Variants in HIP1 observed in about 807,000 individuals in gnomAD.
HIP1 encodes huntingtin-interacting protein 1.
Under a neutral mutation model 147.6 loss-of-function variants are expected in HIP1, and 65 were observed. The observed-to-expected ratio is 0.44, with a 90% CI of 0.36 to 0.54. The LOEUF is 0.54. Ranked by LOEUF, HIP1 falls within the 20% of genes least tolerant of loss-of-function variation. HIP1 has a pLI of 0.00. For missense variants in HIP1, 1,061 were observed against 1,299.6 expected (o/e 0.82, Z 2.82); for synonymous variants, 479 against 504.0 (o/e 0.95, Z 0.67).
chr7:75,695,922 C>T (rs549338592), intron 1 of HIP1, among the ~76,000 whole-genome samples: 2 of 151,792 alleles, frequency 1.3e-5, no homozygotes, highest in East Asian at 3.9e-4. Context: ...GTTCTGCCCC[C>T]GTGCCTCCAG....
chr7:75,645,408 G>T lies in HIP1; in HGVS notation c.121-46161C>A, dbSNP rs561763219. Among the ~76,000 whole-genome samples, 4 of 152,090 alleles carry T rather than the reference G, an allele frequency of 2.6e-5. No individual in the cohort carries two copies. The East Asian group carries it at 7.7e-4, about 29-fold the overall frequency. ...CACCCAGCTAATTTGTGTATTTTTAGTAGAGACGGGGTTTCACCATGTGGG... is the reference window on the plus strand; with the variant it reads ...CACCCAGCTAATTTGTGTATTTTTATTAGAGACGGGGTTTCACCATGTGGG... On this transcript the variant is annotated intron_variant, in intron 1 of 30. Coordinates refer to ENST00000336926, the MANE Select transcript of HIP1 (RefSeq NM_005338.7).
intron 1 of HIP1, among the ~76,000 whole-genome samples, chr7:75,624,525 G>C (rs78659242): frequency 0.059 from 8,999 of 152,160 alleles, 302 homozygotes; most frequent in Middle Eastern, 0.092. Flanking sequence ...AAGCCCCACC[G>C]AAGCCTCCAG....
intron 1 of HIP1, among the ~76,000 whole-genome samples, chr7:75,675,989 C>T (rs1460500888): frequency 1.3e-5 from 2 of 152,140 alleles, no homozygotes; most frequent in African/African-American, 2.4e-5. Context: ...CCCTAAGGAT[C>T]ATATTTTTTG....
At chr7:75,667,919 A>T (rs1481452710) in intron 1 of HIP1, among the ~76,000 whole-genome samples, 1 of 152,250 alleles carries the variant, frequency 6.6e-6, no homozygotes, top group African/African-American at 2.4e-5. Flanking sequence ...ATTTTATAAA[A>T]CAGACATCTG....
chr7:75,678,705 C>T (rs1022484195), intron 1 of HIP1, among the ~76,000 whole-genome samples: 2 of 152,022 alleles, frequency 1.3e-5, no homozygotes, highest in Admixed American at 6.6e-5. Flanking sequence ...TGCACGTTGC[C>T]GATTATCTGC....
chr7:75,726,876 C>T (rs935469336), intron 1 of HIP1, among the ~76,000 whole-genome samples: 6 of 151,800 alleles, frequency 4.0e-5, no homozygotes, highest in African/African-American at 1.5e-4. Flanking sequence ...GGGGTTTCAC[C>T]ATGTTGGCCA....
intron 1 of HIP1, among the ~76,000 whole-genome samples, chr7:75,687,443 T>G (rs1554517685): frequency 1.3e-5 from 2 of 152,130 alleles, no homozygotes; most frequent in African/African-American, 4.8e-5. Context: ...TGTAATCTCA[T>G]CACTTTGGGA....
At chr7:75,631,966 A>C (rs1168860352) in intron 1 of HIP1, among the ~76,000 whole-genome samples, 1 of 152,058 alleles carries the variant, frequency 6.6e-6, no homozygotes, top group Non-Finnish European at 1.5e-5. Context: ...GCAGAAAAGC[A>C]CTGTGGGAGG....
chr7:75,600,420 C>A (rs1372329514), intron 1 of HIP1, among the ~76,000 whole-genome samples: 1 of 152,086 alleles, frequency 6.6e-6, no homozygotes, highest in African/African-American at 2.4e-5. Context: ...CAAATCATAA[C>A]TCTTTTTAAT....
intron 7 of HIP1, among the ~76,000 whole-genome samples, chr7:75,580,820 C>T (rs1457612198): frequency 6.6e-6 from 1 of 152,078 alleles, no homozygotes; most frequent in African/African-American, 2.4e-5. Context: ...TGGCTCACTG[C>T]AACCTCGACC....
At chr7:75,664,244 T>C (rs542416597) in intron 1 of HIP1, among the ~76,000 whole-genome samples, 9 of 137,624 alleles carry the variant, frequency 6.5e-5, no homozygotes, top group South Asian at 2.3e-4. Context: ...TACATACACA[T>C]ACTATATACA....
At chr7:75,606,575 C>CA (rs797037259) in intron 1 of HIP1, among the ~76,000 whole-genome samples, 5,011 of 131,204 alleles carry the variant, frequency 0.038, 295 homozygotes, top group African/African-American at 0.13. Flanking sequence ...GACTCCGTCT[C>CA]AAAAAAAAAA....
intron 1 of HIP1, among the ~76,000 whole-genome samples, chr7:75,617,359 G>T (rs1310762733): frequency 6.6e-6 from 1 of 151,986 alleles, no homozygotes; most frequent in Non-Finnish European, 1.5e-5. Context: ...GATTACAAGC[G>T]TGAGCCACCG....
chr7:75,541,373 AC>A (rs1241242715), intron 29 of HIP1, among the ~76,000 whole-genome samples: 1 of 152,076 alleles, frequency 6.6e-6, no homozygotes, highest in Non-Finnish European at 1.5e-5. Flanking sequence ...TACTAAAAAT[AC>A]AAAAAATTAG....
rs113896867 is a variant in HIP1, at chr7:75,576,121, A to T, written c.605-2220T>A. Reference sequence around the variant, plus strand: ...GGAATGCCCTTTGGCATCCAGAAACATCTAGAGCAGTGTCATCACGGACAA... The same window carrying T: ...GGAATGCCCTTTGGCATCCAGAAACTTCTAGAGCAGTGTCATCACGGACAA... On this transcript the variant is annotated intron_variant, in intron 7 of 30. Transcript: ENST00000336926. Among the ~76,000 whole-genome samples, 259 of 152,232 alleles carry T rather than the reference A, an allele frequency of 1.7e-3. 1 individual carries two copies. The highest frequency in any genetic ancestry group is 5.8e-3 in the African/African-American group (243 of 41,558).
chr7:75,647,409 C>T (rs540779805), intron 1 of HIP1, among the ~76,000 whole-genome samples: 56 of 151,730 alleles, frequency 3.7e-4, no homozygotes, highest in East Asian at 2.3e-3. Context: ...AAAAACAAAA[C>T]GAAACAAAAC....
intron 2 of HIP1, among the ~76,000 whole-genome samples, chr7:75,594,046 C>T (rs1019468942): frequency 1.3e-5 from 2 of 151,894 alleles, no homozygotes; most frequent in Non-Finnish European, 2.9e-5. Flanking sequence ...CTTTGGGAGG[C>T]TGAGGCGGGC....
intron 1 of HIP1, among the ~76,000 whole-genome samples, chr7:75,725,437 G>A (rs1326639305): frequency 6.6e-6 from 1 of 152,104 alleles, no homozygotes; most frequent in East Asian, 1.9e-4. Context: ...CTAGCAGAAC[G>A]CTAGCAGGGT....
chr7:75,600,715 A>G (rs1705905637), intron 1 of HIP1, among the ~76,000 whole-genome samples: 1 of 152,172 alleles, frequency 6.6e-6, no homozygotes, highest in South Asian at 2.1e-4. Flanking sequence ...TATCTCCCGG[A>G]AAATTCTGCA....
Sources: allele counts gnomAD v4.1 joint callset (sites outside exome capture counted in the v4.1 genomes callset), GRCh38; gene constraint gnomAD v4.1.1; transcripts MANE v1.5; gene names NCBI Gene and HGNC (gene_info 2026-07-23, HGNC 2026-07-21).